Variants in VASH2 observed in about 807,000 individuals in gnomAD.
The protein encoded by VASH2 is tubulinyl-Tyr carboxypeptidase 2.
In VASH2, 28 loss-of-function variants were observed where a neutral mutation model predicts 37.2. That is an observed-to-expected ratio of 0.75 (90% CI 0.56 to 1.03). The LOEUF (loss-of-function observed/expected upper bound fraction) is 1.03, where lower values mean the gene tolerates loss of function less well. Ranked by LOEUF, VASH2 falls within the 50% of genes least tolerant of loss-of-function variation. VASH2 has a pLI of 0.00. For missense variants in VASH2, 419 were observed against 459.1 expected, an observed-to-expected ratio of 0.91 and a Z score of 0.80; for synonymous variants, 188 against 174.7, an observed-to-expected ratio of 1.08 and a Z score of -0.60.
At chr1:212,952,348 G>GT (rs1457824488) in intron 2 of VASH2, 5 of 152,098 alleles carry the variant, frequency 3.3e-5, no homozygotes, top group African/African-American at 1.2e-4. Flanking sequence ...TTTTCTTTCT[G>GT]GTTTTTTTGT....
At chr1:212,976,689 G>A (rs1307339040) in intron 7 of VASH2, among the ~76,000 whole-genome samples, 2 of 152,200 alleles carry the variant, frequency 1.3e-5, no homozygotes, top group South Asian at 2.1e-4. Flanking sequence ...GTGCACCTGC[G>A]CCTGCAGAGG....
intron 7 of VASH2, among the ~76,000 whole-genome samples, chr1:212,986,368 G>T (rs1667478641): frequency 1.3e-5 from 2 of 152,184 alleles, no homozygotes; most frequent in African/African-American, 4.8e-5. Flanking sequence ...GTCTACTTGA[G>T]AAAGTCTCAA....
At chr1:212,982,221 G>A (rs1667359978) in intron 7 of VASH2, among the ~76,000 whole-genome samples, 1 of 152,178 alleles carries the variant, frequency 6.6e-6, no homozygotes. Flanking sequence ...CGTCACAACA[G>A]GTGAGGCTGG....
At chr1:212,955,493 A>G (rs1666462208) in intron 2 of VASH2, among the ~76,000 whole-genome samples, 1 of 152,200 alleles carries the variant, frequency 6.6e-6, no homozygotes, top group Non-Finnish European at 1.5e-5. Flanking sequence ...CAGTTGGAGG[A>G]TAATAGCAGA....
chr1:212,961,494 C>G, intron 3 of VASH2: 1 of 670,164 alleles, frequency 1.5e-6, no homozygotes, highest in Non-Finnish European at 2.3e-6. Flanking sequence ...TCTCCCTCCT[C>G]TTCCCTGTCC....
At chr1:212,962,419 C>T (rs779702407) in intron 3 of VASH2, among the ~76,000 whole-genome samples, 1 of 152,204 alleles carries the variant, frequency 6.6e-6, no homozygotes, top group African/African-American at 2.4e-5. Flanking sequence ...GGCACATTGA[C>T]TGGCTTTCTG....
At chr1:212,979,505 A>C (rs1030631598) in intron 7 of VASH2, among the ~76,000 whole-genome samples, 1 of 152,202 alleles carries the variant, frequency 6.6e-6, no homozygotes, top group South Asian at 2.1e-4. Flanking sequence ...GTGGGGTCCC[A>C]GTCCCTGTCT....
intron 5 of VASH2, chr1:212,967,348 C>G: frequency 4.9e-6 from 6 of 1,220,050 alleles, no homozygotes; most frequent in Non-Finnish European, 6.3e-6. Flanking sequence ...TGGGGATAGA[C>G]CCAGGAACAG....
At chr1:212,969,851 C>T (rs181018337) in intron 5 of VASH2, among the ~76,000 whole-genome samples, 8 of 152,330 alleles carry the variant, frequency 5.3e-5, no homozygotes, top group African/African-American at 7.2e-5. Context: ...GCTGCTTGGA[C>T]GCCTGTGTCC....
intron 5 of VASH2, among the ~76,000 whole-genome samples, chr1:212,969,496 C>T (rs1468688637): frequency 6.7e-6 from 1 of 150,162 alleles, no homozygotes; most frequent in East Asian, 2.0e-4. Flanking sequence ...GCACCTGGCC[C>T]GAATTCTTTT....
intron 7 of VASH2, among the ~76,000 whole-genome samples, chr1:212,981,212 G>A (rs190511825): frequency 4.6e-5 from 7 of 152,342 alleles, no homozygotes; most frequent in Admixed American, 2.6e-4. Flanking sequence ...GATGGGCACC[G>A]GCTGAAAAAT....
chr1:212,974,564 C>T (rs1667115835), intron 7 of VASH2: 1 of 152,328 alleles, frequency 6.6e-6, no homozygotes, highest in Non-Finnish European at 1.5e-5. Context: ...GGCTCTTCTT[C>T]TTCCTTGGCT....
Position 212,961,663 on chromosome 1 carries a change from C to T in VASH2, c.365+409C>T, listed in dbSNP as rs556009952. ...TGTCACCCAGGATGGAGGGCGTTGGCGCATTCTCAGCTCACTGAAACCTCC... is the reference window on the plus strand; with the variant it reads ...TGTCACCCAGGATGGAGGGCGTTGGTGCATTCTCAGCTCACTGAAACCTCC... On this transcript the variant is annotated intron_variant, in intron 3 of 7. Transcript: ENST00000517399. 2.9e-4 allele frequency among the ~76,000 whole-genome samples: 44 copies of T among 152,280 alleles called. 1 individual carries two copies. The South Asian group carries it at 8.5e-3, about 29-fold the overall frequency.
At chr1:212,983,915 C>G (rs574688028) in intron 7 of VASH2, among the ~76,000 whole-genome samples, 1 of 152,342 alleles carries the variant, frequency 6.6e-6, no homozygotes, top group South Asian at 2.1e-4. Flanking sequence ...CTGGCTCCAA[C>G]ACTTGCTAAC....
At chr1:212,975,820 AG>A (rs1206394748) in intron 7 of VASH2, among the ~76,000 whole-genome samples, 1 of 152,232 alleles carries the variant, frequency 6.6e-6, no homozygotes, top group Non-Finnish European at 1.5e-5. Context: ...AGTCTATAAA[AG>A]CCTGCCCTTC....
At chr1:212,974,342 C>G (rs1280527844) in intron 7 of VASH2, among the ~76,000 whole-genome samples, 2 of 152,148 alleles carry the variant, frequency 1.3e-5, no homozygotes, top group Non-Finnish European at 2.9e-5. Flanking sequence ...GCAGGTGGCC[C>G]GGAGGGAGCC....
intron 7 of VASH2, among the ~76,000 whole-genome samples, chr1:212,978,880 T>C (rs1396395557): frequency 6.6e-6 from 1 of 152,184 alleles, no homozygotes; most frequent in Non-Finnish European, 1.5e-5. Flanking sequence ...ACTTGGAGGT[T>C]GGGAGGGAAC....
intron 5 of VASH2, chr1:212,967,887 G>A (rs1572067772): frequency 6.5e-6 from 1 of 153,384 alleles, no homozygotes; most frequent in African/African-American, 2.4e-5. Context: ...GAATGAGAGT[G>A]GCAGAGAAAG....
chr1:212,971,790 G>T lies in VASH2; in HGVS notation c.498-790G>T, dbSNP rs183914741. Among the ~76,000 whole-genome samples, 5 of 152,088 alleles carry T rather than the reference G, an allele frequency of 3.3e-5. No homozygotes were observed. In the East Asian group the frequency reaches 5.8e-4, roughly 18 times the overall value. ...CTTCAGGGCACTTGGATTAGCTCTG[G>T]CACCGAGAGCAGCCCTTTTAAGTGT... On this transcript the variant is annotated intron_variant, in intron 5 of 7. Coordinates refer to ENST00000517399, the MANE Select transcript of VASH2 (RefSeq NM_001301056.2). The surrounding 1 kb of genome is among the most constrained non-coding windows in gnomAD (Gnocchi z 4.0).
Sources: gnomAD v4.1 joint callset for allele counts (sites outside exome capture counted in the v4.1 genomes callset) on GRCh38, gnomAD v4.1.1 for gene constraint, Gnocchi (gnomAD v3.1) non-coding constraint, MANE v1.5 for transcripts, NCBI Gene and HGNC (gene_info 2026-07-23, HGNC 2026-07-21) for gene names.